The following DLG2 variants were observed in gnomAD, a reference collection of about 807,000 sequenced individuals.
DLG2 encodes the protein discs large MAGUK scaffold protein 2.
Under a neutral mutation model 132.5 loss-of-function variants are expected in DLG2, and 45 were observed. That is an observed-to-expected ratio of 0.34 (90% CI 0.27 to 0.44). DLG2 has a LOEUF of 0.44. Ranked by LOEUF, DLG2 falls within the 20% of genes least tolerant of loss-of-function variation. The pLI, the probability that DLG2 is intolerant of heterozygous loss-of-function variation, is 1.00. For synonymous variants in DLG2, 424 were observed against 419.6 expected (o/e 1.01, Z -0.13); for missense variants, 1,045 against 1,196.9 (o/e 0.87, Z 1.87).
At position 83,471,650 on chromosome 11, in the gene DLG2, C is replaced by T. The variant is rs142462314; in HGVS notation, c.2422G>A (p.Asp808Asn). 1 of 1,612,996 alleles carries T rather than the reference C, an allele frequency of 6.2e-7. No homozygotes were observed. The highest frequency in any genetic ancestry group is 8.5e-7 in the Non-Finnish European group (1 of 1,179,416). ...INDDLISEFP[D>N]KFGSCVPHTT... ...CGAGGCACACAGGAGCCAAATTTAT[C>T]AGGGAATTCAGATATCAAGTCGTCA... The change falls in exon 24 of 28, where the codon GAT (aspartate) becomes AAT (asparagine). Residue 808 changes from aspartate to asparagine, a missense_variant. Around this residue, in one of 4 missense-constraint regions of DLG2, gnomAD observed 398 missense variants for 543.6 expected, o/e 0.73. Transcript: ENST00000376104.
chr11:84,162,985 G>GC lies in DLG2; in HGVS notation c.624+475dup, dbSNP rs368268976. On this transcript the variant is annotated intron_variant, in intron 9 of 27. Coordinates refer to ENST00000376104, the MANE Select transcript of DLG2 (RefSeq NM_001142699.3). ...AAAGCACTTTGCCAGGACCCTACCA[G>GC]CATATTTGCAGAGCTCTATGGGGTT... Among the ~76,000 whole-genome samples, 393 of 152,164 alleles carry GC rather than the reference G, an allele frequency of 2.6e-3. 4 individuals are homozygous for GC. Among genetic ancestry groups the GC allele is most frequent in the African/African-American group, 8.5e-3 (355 of 41,536 alleles).
intron 19 of DLG2, among the ~76,000 whole-genome samples, chr11:83,603,203 C>T (rs2058826930): frequency 6.6e-6 from 1 of 152,138 alleles, no homozygotes; most frequent in Admixed American, 6.5e-5. Flanking sequence ...ATCACCACGA[C>T]AAAGAATATT....
rs886133731 is a variant in DLG2 at position 84,314,731 on chromosome 11, T to C, written c.520-63440A>G. 2.6e-5 allele frequency among the ~76,000 whole-genome samples: 4 copies of C among 151,962 alleles called. No individual in the cohort carries two copies. In the East Asian group the frequency reaches 7.7e-4, roughly 29 times the overall value. ...ATATATATGCATATATATACTTAAA[T>C]ATACATAAAATATGTTAATATACAT... On this transcript the variant is annotated intron_variant, in intron 7 of 27. Transcript: ENST00000376104.
intron 6 of DLG2, among the ~76,000 whole-genome samples, chr11:84,541,188 T>TAATAATA (rs1555016631): frequency 0.013 from 1,472 of 113,886 alleles, 21 homozygotes; most frequent in African/African-American, 0.042. Flanking sequence ...CTTGAAGTAT[T>TAATAATA]ATAATAATAA....
intron 3 of DLG2, among the ~76,000 whole-genome samples, chr11:85,467,733 T>C (rs1436659276): frequency 6.6e-6 from 1 of 152,196 alleles, no homozygotes; most frequent in Non-Finnish European, 1.5e-5. Flanking sequence ...TGAGGATTTT[T>C]GCATCGATGT....
intron 4 of DLG2, among the ~76,000 whole-genome samples, chr11:85,210,851 TCCTTCTC>T (rs2082208486): frequency 6.6e-6 from 1 of 152,054 alleles, no homozygotes; most frequent in South Asian, 2.1e-4. Context: ...TAAACCTTCT[TCCTTCTC>T]CCTTCCATTT....
intron 3 of DLG2, among the ~76,000 whole-genome samples, chr11:85,583,472 C>G (rs1409522702): frequency 1.3e-5 from 2 of 151,814 alleles, no homozygotes; most frequent in Non-Finnish European, 2.9e-5. Flanking sequence ...GGGGTCTTAA[C>G]CACCATGCCT....
At chr11:83,566,391 T>A (rs1565833241) in intron 19 of DLG2, among the ~76,000 whole-genome samples, 4 of 152,172 alleles carry the variant, frequency 2.6e-5, no homozygotes. Flanking sequence ...CTGGACCGAC[T>A]AAGTCTTTTC....
chr11:84,672,096 G>T (rs147953520), intron 6 of DLG2, among the ~76,000 whole-genome samples: 104 of 152,156 alleles, frequency 6.8e-4, no homozygotes, highest in Non-Finnish European at 1.3e-3. Flanking sequence ...TCCAAATGTT[G>T]GTGATATAAT....
At chr11:83,717,142 C>T (rs543167695) in intron 18 of DLG2, among the ~76,000 whole-genome samples, 18 of 152,160 alleles carry the variant, frequency 1.2e-4, no homozygotes, top group Admixed American at 2.0e-4. Flanking sequence ...GTACAGTATA[C>T]CTCTCACTAA....
chr11:84,874,708 G>C (rs2086048995), intron 6 of DLG2, among the ~76,000 whole-genome samples: 1 of 152,070 alleles, frequency 6.6e-6, no homozygotes, highest in Non-Finnish European at 1.5e-5. Flanking sequence ...GAAGGAAATG[G>C]AGATTGAAAG....
intron 18 of DLG2, among the ~76,000 whole-genome samples, chr11:83,711,690 T>C (rs754817219): frequency 4.6e-5 from 7 of 152,178 alleles, no homozygotes; most frequent in Non-Finnish European, 7.3e-5. Context: ...GCAAGTATCA[T>C]GTCTAGACTC....
At chr11:84,205,308 T>C (rs1257494177) in intron 8 of DLG2, among the ~76,000 whole-genome samples, 1 of 152,176 alleles carries the variant, frequency 6.6e-6, no homozygotes, top group Non-Finnish European at 1.5e-5. Flanking sequence ...GACTTTAATA[T>C]TCCTCTTTGA....
chr11:84,675,541 C>T (rs895277125), intron 6 of DLG2, among the ~76,000 whole-genome samples: 5 of 152,072 alleles, frequency 3.3e-5, no homozygotes, highest in Admixed American at 1.3e-4. Context: ...CCTAGTGGCT[C>T]CTGGGCTATG....
rs182379902 is a variant in DLG2 at position 84,135,744 on chromosome 11, T to C, written c.624+27717A>G. 3.9e-5 allele frequency among the ~76,000 whole-genome samples: 6 copies of C among 152,246 alleles called. No homozygotes were observed. In the East Asian group the frequency reaches 1.2e-3, roughly 29 times the overall value. On this transcript the variant is annotated intron_variant, in intron 9 of 27. Transcript: ENST00000376104. The stretch of plus-strand genomic sequence containing the variant: ...AAGCTTCAGTGAGAGGTCGAACATG[T>C]AAGGCTTGGTTGCCTTATTCCAAGA...
intron 7 of DLG2, among the ~76,000 whole-genome samples, chr11:84,419,049 A>G (rs2098939588): frequency 6.6e-6 from 1 of 152,104 alleles, no homozygotes; most frequent in African/African-American, 2.4e-5. Flanking sequence ...CTGTCCTGGT[A>G]TACTTAATGC....
chr11:85,444,985 G>A (rs1002961485), intron 3 of DLG2, among the ~76,000 whole-genome samples: 1 of 152,154 alleles, frequency 6.6e-6, no homozygotes, highest in Middle Eastern at 3.2e-3. Flanking sequence ...AAAAGGATTA[G>A]GAGGTTGAAT....
intron 3 of DLG2, among the ~76,000 whole-genome samples, chr11:85,329,020 T>C (rs1402799150): frequency 5.1e-4 from 61 of 118,864 alleles, no homozygotes; most frequent in African/African-American, 2.0e-3. Flanking sequence ...GAACTCCCAT[T>C]CACAATTGCT....
At chr11:83,577,969 A>C (rs1318558706) in intron 19 of DLG2, among the ~76,000 whole-genome samples, 1 of 136,902 alleles carries the variant, frequency 7.3e-6, no homozygotes, top group Non-Finnish European at 1.6e-5. Context: ...TATATTATAT[A>C]TAAATATATA....
Sources: allele counts gnomAD v4.1 joint callset (sites outside exome capture counted in the v4.1 genomes callset), GRCh38; gene constraint gnomAD v4.1.1; regional missense constraint gnomAD v4.1.1; transcripts MANE v1.5; gene names NCBI Gene and HGNC (gene_info 2026-07-23, HGNC 2026-07-21).